SNTG1: variants seen among roughly 807,000 people sequenced by gnomAD.
The protein encoded by SNTG1 is syntrophin gamma 1.
In SNTG1, 39 loss-of-function variants were observed where a neutral mutation model predicts 74.7. The ratio of observed to expected loss-of-function variants is 0.52; its 90% confidence interval spans 0.40 to 0.68. The LOEUF is 0.68. SNTG1 is among the 30% of genes least tolerant of loss of function. The pLI, the probability that SNTG1 is intolerant of heterozygous loss-of-function variation, is 0.00. For missense variants in SNTG1, 685 were observed against 609.5 expected (o/e 1.12, Z -1.30); for synonymous variants, 254 against 217.1 (o/e 1.17, Z -1.49).
At chr8:50,027,157 C>A (rs780340885) in intron 1 of SNTG1, among the ~76,000 whole-genome samples, 2 of 152,080 alleles carry the variant, frequency 1.3e-5, no homozygotes, top group Non-Finnish European at 2.9e-5. Flanking sequence ...GGGGTGAAAG[C>A]GGGTGCTTTG....
At position 50,555,828 on chromosome 8, in the gene SNTG1, T is replaced by C. The variant is rs1203944909; in HGVS notation, c.810+2649T>C. The stretch of plus-strand genomic sequence containing the variant: ...GCTATTGAAATAAGACATACATATG[T>C]ATATAAACTTTTTAATGATGAATCA... On this transcript the variant is annotated intron_variant, in intron 12 of 18. Coordinates refer to ENST00000642720, the MANE Select transcript of SNTG1 (RefSeq NM_018967.5). Among the ~76,000 whole-genome samples, 4 of 152,158 alleles carry C rather than the reference T, an allele frequency of 2.6e-5. 1 individual carries two copies. The highest frequency in any genetic ancestry group is 9.7e-5 in the African/African-American group (4 of 41,434).
intron 2 of SNTG1, among the ~76,000 whole-genome samples, chr8:50,222,789 T>C (rs2085135827): frequency 6.6e-6 from 1 of 152,150 alleles, no homozygotes; most frequent in Non-Finnish European, 1.5e-5. Context: ...TAATTTAGAA[T>C]GGCCCGGGGA....
chr8:50,193,489 A>G (rs1266722764), intron 2 of SNTG1, among the ~76,000 whole-genome samples: 1 of 152,090 alleles, frequency 6.6e-6, no homozygotes, highest in Non-Finnish European at 1.5e-5. Context: ...GTTGGTATAT[A>G]GAAGAGCTAC....
At chr8:50,297,205 A>G in intron 2 of SNTG1, among the ~76,000 whole-genome samples, 1 of 152,166 alleles carries the variant, frequency 6.6e-6, no homozygotes, top group Non-Finnish European at 1.5e-5. Flanking sequence ...CGTTTTACAA[A>G]CCCTAGTGGA....
At chr8:49,972,347 T>G (rs318898) in intron 1 of SNTG1, among the ~76,000 whole-genome samples, 1 of 151,984 alleles carries the variant, frequency 6.6e-6, no homozygotes, top group East Asian at 1.9e-4. Flanking sequence ...CTTCCTTACA[T>G]CTTATACAAA....
At chr8:50,770,016 G>C (rs1329630323) in intron 18 of SNTG1, among the ~76,000 whole-genome samples, 2 of 152,062 alleles carry the variant, frequency 1.3e-5, no homozygotes, top group Admixed American at 1.3e-4. Flanking sequence ...AAATCACAAA[G>C]AGTACAGGTT....
chr8:50,345,919 GAC>G (rs1395540987), intron 2 of SNTG1, among the ~76,000 whole-genome samples: 2 of 152,082 alleles, frequency 1.3e-5, no homozygotes, highest in Non-Finnish European at 2.9e-5. Context: ...GCTTTAGTTT[GAC>G]AGTATTATTT....
intron 15 of SNTG1, among the ~76,000 whole-genome samples, chr8:50,701,227 T>C (rs2095422483): frequency 6.6e-6 from 1 of 152,222 alleles, no homozygotes; most frequent in Non-Finnish European, 1.5e-5. Context: ...TTTGCCAATT[T>C]ATCAATTTAA....
rs529090702 is a variant in SNTG1, at chr8:50,375,729, G to T, written c.-27-18483G>T. On this transcript the variant is annotated intron_variant, in intron 2 of 18. Transcript: ENST00000642720. ...TGTGGGGAAAAATAGTAACCCTATA[G>T]GTCCTTGGTTGGAATTGACCCCCAT... 1.6e-3 allele frequency among the ~76,000 whole-genome samples: 245 copies of T among 152,192 alleles called. 1 individual carries two copies. Among genetic ancestry groups the T allele is most frequent in the African/African-American group, 5.7e-3 (236 of 41,542 alleles).
chr8:50,439,172 T>G (rs1013143312), intron 5 of SNTG1, among the ~76,000 whole-genome samples: 18 of 152,104 alleles, frequency 1.2e-4, no homozygotes, highest in African/African-American at 3.9e-4. Context: ...TTATTGACTA[T>G]TAGAGATGTA....
intron 2 of SNTG1, among the ~76,000 whole-genome samples, chr8:50,335,348 C>T (rs1338936733): frequency 2.0e-5 from 3 of 152,184 alleles, no homozygotes; most frequent in African/African-American, 4.8e-5. Context: ...CTTTGCTTAT[C>T]GGAAAACTGA....
intron 1 of SNTG1, among the ~76,000 whole-genome samples, chr8:49,936,454 T>C (rs1265512896): frequency 6.6e-6 from 1 of 152,140 alleles, no homozygotes; most frequent in East Asian, 1.9e-4. Context: ...CACTCACGTT[T>C]GGTAACTAAA....
Position 50,708,592 on chromosome 8 carries a change from T to C in SNTG1, c.1192-294T>C, listed in dbSNP as rs181646260. On this transcript the variant is annotated intron_variant, in intron 16 of 18. Coordinates refer to ENST00000642720, the MANE Select transcript of SNTG1 (RefSeq NM_018967.5). ...AACTTTTTATATTATATACCACCTT[T>C]ATTGTCAACACAGCAAAGACAGACA... 465 of 304,584 alleles carry C rather than the reference T, an allele frequency of 1.5e-3. 2 individuals are homozygous for C. Among genetic ancestry groups the C allele is most frequent in the Middle Eastern group, 2.7e-3 (3 of 1,114 alleles). 18.9% of individuals were successfully genotyped at this position (304,584 alleles called of 1,614,324 possible). A position where few individuals can be genotyped will look rare whatever the true frequency, so the allele number is the denominator to read the frequency against.
chr8:50,788,027 G>A (rs1235686823), intron 18 of SNTG1, among the ~76,000 whole-genome samples: 1 of 151,914 alleles, frequency 6.6e-6, no homozygotes, highest in East Asian at 1.9e-4. Context: ...GCAGAAAAAA[G>A]GTGAATGACA....
intron 12 of SNTG1, among the ~76,000 whole-genome samples, chr8:50,586,153 A>G (rs2094646727): frequency 2.0e-5 from 3 of 152,208 alleles, no homozygotes; most frequent in Admixed American, 2.0e-4. Context: ...ACAGTGTAAG[A>G]AAGACATCTT....
chr8:50,466,506 C>G (rs1239680791), intron 8 of SNTG1, among the ~76,000 whole-genome samples: 1 of 151,942 alleles, frequency 6.6e-6, no homozygotes, highest in East Asian at 1.9e-4. Context: ...TCCCAATATT[C>G]TGTTGCAATT....
intron 1 of SNTG1, among the ~76,000 whole-genome samples, chr8:49,966,374 C>T (rs565037403): frequency 6.6e-6 from 1 of 151,788 alleles, no homozygotes; most frequent in East Asian, 1.9e-4. Context: ...ATAGCTTATT[C>T]CAGTCTTTTT....
At chr8:50,253,367 G>C (rs1173710097) in intron 2 of SNTG1, among the ~76,000 whole-genome samples, 2 of 152,120 alleles carry the variant, frequency 1.3e-5, no homozygotes, top group African/African-American at 2.4e-5. Context: ...AGGTGACTGT[G>C]AGTGGAGATC....
rs559164458 is a variant in SNTG1, at chr8:50,735,498, C to T, written c.1285-16503C>T. Among the ~76,000 whole-genome samples, 10 of 151,480 alleles carry T rather than the reference C, an allele frequency of 6.6e-5. No individual in the cohort carries two copies. The South Asian group carries it at 8.3e-4, about 13-fold the overall frequency. On this transcript the variant is annotated intron_variant, in intron 17 of 18. Transcript: ENST00000642720. ...CATACACAAGTATCAATAGTCAAAT[C>T]GATCAATCAGAAGAAAGGGTATCAG...
Sources: allele counts gnomAD v4.1 joint callset (sites outside exome capture counted in the v4.1 genomes callset), GRCh38; gene constraint gnomAD v4.1.1; transcripts MANE v1.5; gene names NCBI Gene and HGNC (gene_info 2026-07-23, HGNC 2026-07-21).